PDE3B: variants seen among roughly 807,000 people sequenced by gnomAD.
PDE3B encodes cGMP-inhibited 3',5'-cyclic phosphodiesterase 3B.
PDE3B carries 66 observed loss-of-function variants against 116.8 expected under a neutral mutation model. That is an observed-to-expected ratio of 0.56 (90% CI 0.46 to 0.69). The LOEUF is 0.69. Ranked by LOEUF, PDE3B falls within the 30% of genes least tolerant of loss-of-function variation. The pLI is 0.00. For missense variants in PDE3B, 1,384 were observed against 1,368.1 expected, an observed-to-expected ratio of 1.01 and a Z score of -0.18; for synonymous variants, 595 against 533.6, an observed-to-expected ratio of 1.12 and a Z score of -1.59.
Position 14,831,705 on chromosome 11 carries a change from G to T in PDE3B, c.2022G>T (p.Met674Ile). Residue 674 changes from methionine (M) to isoleucine (I), a missense_variant, in exon 9 of 16, where the codon ATG (methionine) becomes ATT (isoleucine). Transcript: ENST00000282096. ...VEEYDSLIEK[M>I]SNWNFPIFEL... ...AGTATGACTCATTAATAGAAAAGAT[G>T]AGCAACTGGAATTTTCCAATTTTTG... 1 of 1,598,470 alleles carries T rather than the reference G, an allele frequency of 6.3e-7. No homozygotes were observed. The highest frequency in any genetic ancestry group is 1.1e-5 in the South Asian group (1 of 89,688).
At chr11:14,718,637 A>G (rs1314331912) in intron 1 of PDE3B, among the ~76,000 whole-genome samples, 3 of 150,608 alleles carry the variant, frequency 2.0e-5, no homozygotes, top group East Asian at 3.9e-4. Flanking sequence ...CCGCTCAACT[A>G]CATGGAAACT....
chr11:14,737,035 T>C (rs1458551697), intron 1 of PDE3B, among the ~76,000 whole-genome samples: 2 of 152,202 alleles, frequency 1.3e-5, no homozygotes, highest in African/African-American at 4.8e-5. Context: ...GGTCTCAGCT[T>C]TCTTATCTTT....
At chr11:14,714,831 T>C (rs1272607075) in intron 1 of PDE3B, among the ~76,000 whole-genome samples, 2 of 152,210 alleles carry the variant, frequency 1.3e-5, no homozygotes, top group Non-Finnish European at 2.9e-5. Flanking sequence ...TAGTGGTTAC[T>C]GTATGAGACA....
chr11:14,672,018 A>G (rs898808361), intron 1 of PDE3B, among the ~76,000 whole-genome samples: 3 of 94,484 alleles, frequency 3.2e-5, no homozygotes, highest in Admixed American at 1.0e-4. Context: ...CCTTGTCTTG[A>G]AAAAAAAAAA....
chr11:14,856,811 G>A (rs1032176066), intron 12 of PDE3B, among the ~76,000 whole-genome samples: 2 of 149,106 alleles, frequency 1.3e-5, no homozygotes, highest in Admixed American at 1.3e-4. Context: ...CTGAGATCGC[G>A]CCACTGCACT....
the PDE3B span, among the ~76,000 whole-genome samples, chr11:14,887,979 T>G: frequency 6.6e-6 from 1 of 152,208 alleles, no homozygotes; most frequent in Non-Finnish European, 1.5e-5. Context: ...AACGTGGCAT[T>G]CTCTTGCTTT....
intron 1 of PDE3B, among the ~76,000 whole-genome samples, chr11:14,702,103 T>C (rs945684536): frequency 6.6e-6 from 1 of 151,664 alleles, no homozygotes; most frequent in African/African-American, 2.4e-5. Context: ...TTTTCTCCTA[T>C]AGTTTATCTC....
intron 5 of PDE3B, among the ~76,000 whole-genome samples, chr11:14,811,061 G>T (rs2133942356): frequency 6.6e-6 from 1 of 152,308 alleles, no homozygotes; most frequent in Admixed American, 6.5e-5. Context: ...ATAGATTCTG[G>T]ATATTAGCCC....
At chr11:14,831,559 T>A in intron 8 of PDE3B, 81 bp from the exon 9 acceptor site, 3 of 821,778 alleles carry the variant, frequency 3.7e-6, no homozygotes, top group Non-Finnish European at 5.3e-6. Flanking sequence ...AAATGTTTAA[T>A]CCTAAGTGTT....
At chr11:14,666,997 C>T (rs1005734998) in intron 1 of PDE3B, among the ~76,000 whole-genome samples, 200 of 151,910 alleles carry the variant, frequency 1.3e-3, no homozygotes, top group East Asian at 4.3e-3. Flanking sequence ...ATGTTTATTG[C>T]GGCATTATTC....
chr11:14,722,885 A>G (rs756262571), intron 1 of PDE3B, among the ~76,000 whole-genome samples: 2 of 152,134 alleles, frequency 1.3e-5, no homozygotes, highest in Non-Finnish European at 1.5e-5. Flanking sequence ...TTTTTTTAGA[A>G]TGGAGGTGCT....
chr11:14,859,810 A>G (rs1472988264), intron 13 of PDE3B, among the ~76,000 whole-genome samples: 1 of 152,212 alleles, frequency 6.6e-6, no homozygotes, highest in African/African-American at 2.4e-5. Context: ...TACTAGGCCA[A>G]AGAACTCATA....
chr11:14,885,775 C>T, the PDE3B span: 8 of 1,612,054 alleles, frequency 5.0e-6, no homozygotes, highest in East Asian at 1.1e-4. Context: ...AATAAACATA[C>T]CTCCCATTTT....
intron 1 of PDE3B, among the ~76,000 whole-genome samples, chr11:14,732,026 A>G (rs889975019): frequency 2.0e-5 from 3 of 152,220 alleles, no homozygotes; most frequent in African/African-American, 4.8e-5. Context: ...TGAGGAAGAC[A>G]TCACTAGGAA....
intron 1 of PDE3B, among the ~76,000 whole-genome samples, chr11:14,684,809 A>T (rs1302761703): frequency 6.6e-6 from 1 of 152,188 alleles, no homozygotes; most frequent in Non-Finnish European, 1.5e-5. Flanking sequence ...ACATCTGTTT[A>T]TAGGCTCTCT....
the PDE3B span, chr11:14,892,324 G>A: frequency 1.0e-6 from 1 of 964,938 alleles, no homozygotes; most frequent in Non-Finnish European, 1.6e-6. Flanking sequence ...CGTGGCCATT[G>A]GCTGACTGAG....
chr11:14,771,036 C>A (rs1304094051), intron 1 of PDE3B, among the ~76,000 whole-genome samples: 2 of 151,508 alleles, frequency 1.3e-5, no homozygotes, highest in Non-Finnish European at 3.0e-5. Context: ...CAAATAAGAT[C>A]TTTTGCAACC....
chr11:14,865,333 A>T (rs1186835742), intron 14 of PDE3B, among the ~76,000 whole-genome samples: 1 of 152,174 alleles, frequency 6.6e-6, no homozygotes, highest in Non-Finnish European at 1.5e-5. Flanking sequence ...TCTCCAAAAT[A>T]GCAACTACAC....
intron 7 of PDE3B, among the ~76,000 whole-genome samples, chr11:14,830,302 T>C (rs1859835621): frequency 6.6e-6 from 1 of 152,158 alleles, no homozygotes; most frequent in Non-Finnish European, 1.5e-5. Context: ...GGTTTAAGGT[T>C]TACATGTGAT....
Sources: gnomAD v4.1 joint callset for allele counts (sites outside exome capture counted in the v4.1 genomes callset) on GRCh38, gnomAD v4.1.1 for gene constraint, MANE v1.5 for transcripts, NCBI Gene and HGNC (gene_info 2026-07-23, HGNC 2026-07-21) for gene names.